The following NCAPD3 variants were observed in gnomAD, a reference collection of about 807,000 sequenced individuals.
The protein encoded by NCAPD3 is non-SMC condensin II complex subunit D3.
Under a neutral mutation model 182.9 loss-of-function variants are expected in NCAPD3, and 105 were observed. The ratio of observed to expected loss-of-function variants is 0.57; its 90% confidence interval spans 0.49 to 0.68. The LOEUF (loss-of-function observed/expected upper bound fraction) is 0.68, where lower values mean the gene tolerates loss of function less well. NCAPD3 is among the 30% of genes least tolerant of loss of function. NCAPD3 has a pLI of 0.00. For synonymous variants in NCAPD3, 815 were observed against 679.9 expected (o/e 1.20, Z -3.09); for missense variants, 1,944 against 1,837.0 (o/e 1.06, Z -1.07).
chr11:134,161,004 A>C (rs1357154116), intron 28 of NCAPD3, among the ~76,000 whole-genome samples: 5 of 151,574 alleles, frequency 3.3e-5, no homozygotes, highest in African/African-American at 1.2e-4. Flanking sequence ...GAATATTTGG[A>C]AGTTTTTATT....
At chr11:134,192,543 T>G in intron 16 of NCAPD3, 146 bp downstream of exon 16, 1 of 669,436 alleles carries the variant, frequency 1.5e-6, no homozygotes, top group East Asian at 2.7e-5. Context: ...TGGAAGTCAG[T>G]CAGGGAAAGA....
chr11:134,176,440 AC>A, intron 23 of NCAPD3, 54 bp from the exon 24 acceptor site: 1 of 1,505,358 alleles, frequency 6.6e-7, no homozygotes, highest in Non-Finnish European at 9.2e-7. Context: ...GGCAAGCCTC[AC>A]TGTTCCCAGC....
Position 134,168,928 on chromosome 11 carries a change from G to A in NCAPD3, c.3228C>T (p.Pro1076=). The part of the protein sequence containing the change: ...YEKHEKYNKF[P]QSEREKRLFS... ...GCTGCTTCACTGACCTCTCTGACTG[G>A]GGGAACTTGTTGTACTTCTCATGCT... The change falls in exon 25 of 35, where the codon CCC becomes CCT. Residue 1076 remains proline, a synonymous_variant. Coordinates refer to ENST00000534548, the MANE Select transcript of NCAPD3 (RefSeq NM_015261.3). 6.2e-7 allele frequency: 1 copy of A among 1,613,182 alleles called. No homozygotes were observed. Among genetic ancestry groups the A allele is most frequent in the African/African-American group, 1.3e-5 (1 of 75,002 alleles).
chr11:134,203,777 T>C lies in NCAPD3; in HGVS notation c.1345A>G (p.Met449Val), dbSNP rs771858217. The change falls in exon 11 of 35, where the codon ATG becomes GTG. Residue 449 changes from methionine to valine, a missense_variant. Met to Val is a conservative substitution (Grantham distance 21, BLOSUM62 1). Coordinates refer to ENST00000534548, the MANE Select transcript of NCAPD3 (RefSeq NM_015261.3). ...LKHKFLVQEIMFDRCLDKAPT... is the reference protein window; with the variant it reads ...LKHKFLVQEIVFDRCLDKAPT... ...GCCTTGTCTAAGCAACGATCAAACA[T>C]AATTTCCTGCACCAGGAACTTATGC... is the stretch of plus-strand genomic sequence containing the variant. The C allele has an allele frequency of 6.2e-7, 1 of 1,614,200 alleles. No individual in the cohort carries two copies. Among genetic ancestry groups the C allele is most frequent in the East Asian group, 2.2e-5 (1 of 44,884 alleles).
rs189616879 is a variant in NCAPD3 at position 134,180,407 on chromosome 11, A to C, written c.2559+670T>G. Among the ~76,000 whole-genome samples, 73 of 152,324 alleles carry C rather than the reference A, an allele frequency of 4.8e-4. 2 individuals carry two copies. In the East Asian group the frequency reaches 6.6e-3, roughly 14 times the overall value. On this transcript the variant is annotated intron_variant, in intron 20 of 34. Coordinates refer to ENST00000534548, the MANE Select transcript of NCAPD3 (RefSeq NM_015261.3). ...TCTGTGCTGAATGGCATCAAAAAGCAGCTCATTATTTCCTTTACTGGACAA... is the reference window on the plus strand; with the variant it reads ...TCTGTGCTGAATGGCATCAAAAAGCCGCTCATTATTTCCTTTACTGGACAA...
upstream of NCAPD3, chr11:134,225,028 G>T: frequency 8.3e-7 from 1 of 1,198,584 alleles, no homozygotes; most frequent in South Asian, 2.2e-5. Context: ...GAGCGCGCTC[G>T]CGCATCGGGC....
chr11:134,174,455 G>A (rs1447533387), intron 24 of NCAPD3, among the ~76,000 whole-genome samples: 1 of 150,548 alleles, frequency 6.6e-6, no homozygotes, highest in South Asian at 2.1e-4. Flanking sequence ...GTAGCCTTTG[G>A]CCTAAAAATC....
rs761089674 is a variant in NCAPD3, at chr11:134,223,931, C to T, written c.-5G>A. ...AAGGCCCCGCAACGCCACCATGATC[C>T]CAGGGCACCGGCTCGCCGCCGCCGT... On this transcript the variant is annotated 5_prime_UTR_variant, in exon 1 of 35. Transcript: ENST00000534548. 3.7e-6 allele frequency: 6 copies of T among 1,612,216 alleles called. No homozygotes were observed. The highest frequency in any genetic ancestry group is 5.1e-6 in the Non-Finnish European group (6 of 1,179,686).
At position 134,159,851 on chromosome 11, in the gene NCAPD3, A is replaced by C. The variant is rs775169928; in HGVS notation, c.3867+41T>G. ...ACGACAGACTGGTAGCAGACAGCAG[A>C]CTGGACTGTCTGGTCACAGTGCAGT... On this transcript the variant is annotated intron_variant, in intron 29 of 34. Coordinates refer to ENST00000534548, the MANE Select transcript of NCAPD3 (RefSeq NM_015261.3). 8.8e-6 allele frequency: 14 copies of C among 1,582,734 alleles called. No individual in the cohort carries two copies. In the South Asian group the frequency reaches 1.6e-4, roughly 18 times the overall value.
chr11:134,188,497 CTT>C (rs150730848), intron 16 of NCAPD3, among the ~76,000 whole-genome samples: 5,476 of 152,314 alleles, frequency 0.036, 338 homozygotes, highest in African/African-American at 0.12. Flanking sequence ...GCTGCTCACT[CTT>C]TGGGTCCACA....
intron 24 of NCAPD3, among the ~76,000 whole-genome samples, chr11:134,171,718 T>TTCCTGA (rs1944010023): frequency 1.3e-5 from 2 of 152,208 alleles, no homozygotes; most frequent in Admixed American, 1.3e-4. Flanking sequence ...TTCCTCCATG[T>TTCCTGA]ACTCTGCACT....
intron 27 of NCAPD3, among the ~76,000 whole-genome samples, chr11:134,163,885 AAAAAAAAG>A (rs1943672390): frequency 6.6e-6 from 1 of 150,490 alleles, no homozygotes; most frequent in Non-Finnish European, 1.5e-5. Context: ...AAAAAAAAAA[AAAAAAAAG>A]AAAAAGAAAG....
At position 134,192,822 on chromosome 11, in the gene NCAPD3, TCTC is replaced by T. The variant is rs1294099570; in HGVS notation, c.1909_1911del (p.Glu637del). Reference sequence around the variant, plus strand: ...AGCTGGTCCAGGAACTCCAGGGCCTTCTCCTGCACAGTGCTCTCGCAGTCCATC... The same window carrying T: ...AGCTGGTCCAGGAACTCCAGGGCCTTCTGCACAGTGCTCTCGCAGTCCATC... On this transcript the variant is annotated inframe_deletion, in exon 16 of 35. Coordinates refer to ENST00000534548, the MANE Select transcript of NCAPD3 (RefSeq NM_015261.3). The T allele has an allele frequency of 1.2e-6, 2 of 1,614,068 alleles. No homozygotes were observed. Among genetic ancestry groups the T allele is most frequent in the South Asian group, 2.2e-5 (2 of 91,072 alleles).
chr11:134,168,616 G>T lies in NCAPD3; in HGVS notation c.3240-14C>A. The T allele has an allele frequency of 6.2e-7, 1 of 1,613,736 alleles. No individual in the cohort carries two copies. The highest frequency in any genetic ancestry group is 1.1e-5 in the South Asian group (1 of 91,064). On this transcript the variant is annotated splice_polypyrimidine_tract_variant and intron_variant, in intron 25 of 34. Coordinates refer to ENST00000534548, the MANE Select transcript of NCAPD3 (RefSeq NM_015261.3). Reference sequence around the variant, plus strand: ...AGCCGCTTCTCTCTGTGGCAGAACGGGACAAGTTCACTGCATCACATGGGC... The same window carrying T: ...AGCCGCTTCTCTCTGTGGCAGAACGTGACAAGTTCACTGCATCACATGGGC...
At chr11:134,176,232 G>GA (rs1026301674) in intron 24 of NCAPD3, 75 bp downstream of exon 24, 1,963 of 1,344,044 alleles carry the variant, frequency 1.5e-3, no homozygotes, top group South Asian at 1.6e-3. Context: ...AAACCAATCT[G>GA]AAAAAAAAAG....
intron 27 of NCAPD3, 60 bp downstream of exon 27, chr11:134,167,936 G>A: frequency 6.6e-7 from 1 of 1,515,060 alleles, no homozygotes; most frequent in Middle Eastern, 1.8e-4. Flanking sequence ...CGTGAGATGA[G>A]CTTAGGGGAG....
At chr11:134,220,821 T>C in intron 1 of NCAPD3, 95 bp from the exon 2 acceptor site, 2 of 1,199,704 alleles carry the variant, frequency 1.7e-6, no homozygotes, top group South Asian at 3.3e-5. Context: ...GGAGAAAAGT[T>C]TACTAGTCAC....
At chr11:134,224,052 G>A, upstream of NCAPD3, 8 of 1,193,560 alleles carry the variant, frequency 6.7e-6, no homozygotes, top group East Asian at 2.6e-5. Context: ...CCACCGCGCC[G>A]AGCCGTTTCC....
chr11:134,204,102 A>C lies in NCAPD3; in HGVS notation c.1159T>G (p.Cys387Gly), dbSNP rs754563578. 21 of 1,613,988 alleles carry C rather than the reference A, an allele frequency of 1.3e-5. 1 individual carries two copies. In the South Asian group the frequency reaches 2.3e-4, roughly 18 times the overall value. The change falls in exon 10 of 35, where the codon TGT becomes GGT. Residue 387 changes from cysteine to glycine, a missense_variant. This residue lies in a region of NCAPD3 where 1,803 missense variants were observed against 1,674.6 expected (regional missense o/e 1.08). Coordinates refer to ENST00000534548, the MANE Select transcript of NCAPD3 (RefSeq NM_015261.3). The surrounding 1 kb of genome is among the most constrained non-coding windows in gnomAD (Gnocchi z 4.3). ...SLVQLLSKLP[C>G]GEYAMFIAWL... is the part of the protein sequence containing the mutation. The stretch of plus-strand genomic sequence containing the variant: ...GCAATGAACATAGCGTATTCCCCAC[A>C]AGGAAGTTTACTGAGCAGCTGGACT...
Sources: gnomAD v4.1 joint callset for allele counts (sites outside exome capture counted in the v4.1 genomes callset) on GRCh38, gnomAD v4.1.1 for gene constraint, gnomAD v4.1.1 regional missense constraint, Gnocchi (gnomAD v3.1) non-coding constraint, MANE v1.5 for transcripts, NCBI Gene and HGNC (gene_info 2026-07-23, HGNC 2026-07-21) for gene names.